MYO5B: variants seen among roughly 807,000 people sequenced by gnomAD.
MYO5B encodes unconventional myosin-Vb.
Under a neutral mutation model 229.3 loss-of-function variants are expected in MYO5B, and 143 were observed. The observed-to-expected ratio is 0.62, with a 90% confidence interval of 0.54 to 0.72. The LOEUF is 0.72. Among genes scored for constraint, MYO5B ranks in the 30% least tolerant of loss-of-function variants. MYO5B has a pLI of 0.00. For synonymous variants in MYO5B, 918 were observed against 885.2 expected (o/e 1.04, Z -0.66); for missense variants, 2,321 against 2,331.0 (o/e 1.00, Z 0.09).
chr18:50,162,131 T>A (rs974368877), intron 1 of MYO5B, among the ~76,000 whole-genome samples: 2 of 152,282 alleles, frequency 1.3e-5, no homozygotes, highest in Non-Finnish European at 2.9e-5. Flanking sequence ...AATTCCCCTG[T>A]GCTCCAATCT....
rs373110006 is a variant in MYO5B, at chr18:50,057,511, G to C, written c.28-2133C>G. ...GGGAGCCTAGTCCCAGCTCAGCCAA[G>C]GACTCTGCTGGCCATCACCCTGTGG... On this transcript the variant is annotated intron_variant, in intron 1 of 39. Transcript: ENST00000285039. Among the ~76,000 whole-genome samples, 13 of 152,234 alleles carry C rather than the reference G, an allele frequency of 8.5e-5. No individual in the cohort carries two copies. The South Asian group carries it at 1.9e-3, about 22-fold the overall frequency.
At chr18:50,109,660 T>C (rs761389524) in intron 1 of MYO5B, among the ~76,000 whole-genome samples, 2 of 152,014 alleles carry the variant, frequency 1.3e-5, no homozygotes, top group African/African-American at 4.8e-5. Context: ...TCTCCTGACG[T>C]TGTGATCCAC....
intron 22 of MYO5B, among the ~76,000 whole-genome samples, chr18:49,887,016 T>C (rs2024650488): frequency 6.6e-6 from 1 of 152,154 alleles, no homozygotes; most frequent in Non-Finnish European, 1.5e-5. Context: ...TGGGGCCTGG[T>C]GAGAGGTGAC....
At position 49,902,668 on chromosome 18, in the gene MYO5B, C is replaced by A. The variant is rs564864501; in HGVS notation, c.2737G>T (p.Ala913Ser). The A allele has an allele frequency of 8.1e-6, 13 of 1,613,218 alleles. No homozygotes were observed. The East Asian group carries it at 2.7e-4, about 33-fold the overall frequency. The stretch of plus-strand genomic sequence containing the variant: ...ACGTTGAGACGTTTCAGATGCTCTG[C>A]TGAGCGGGCCTCAATCCTGAGGGCC... ...LKALRIEARSAEHLKRLNVGM... is the reference protein window; with the variant it reads ...LKALRIEARSSEHLKRLNVGM... The change falls in exon 21 of 40, where the codon GCA (alanine) becomes TCA (serine). Residue 913 changes from alanine (A) to serine (S), a missense_variant. This residue lies in a region of MYO5B where 2,113 missense variants were observed against 2,044.7 expected (regional missense o/e 1.03). Coordinates refer to ENST00000285039, the MANE Select transcript of MYO5B (RefSeq NM_001080467.3).
In MYO5B at chr18:49,974,457, C is replaced by T. The variant is rs781209064; in HGVS notation, c.1215G>A (p.Ala405=). The change falls in exon 10 of 40, where the codon GCG becomes GCA. Residue 405 remains alanine (A), a synonymous_variant. Coordinates refer to ENST00000285039, the MANE Select transcript of MYO5B (RefSeq NM_001080467.3). ...QQVINARNAL[A]KHIYAQLFGW... is the part of the protein sequence containing the mutation. ...CGAACAACTGGGCATAGATGTGCTT[C>T]GCCAGGGCGTTGCGCGCATTGATCA... 24 of 1,614,056 alleles carry T rather than the reference C, an allele frequency of 1.5e-5. No homozygotes were observed. The highest frequency in any genetic ancestry group is 5.0e-5 in the Admixed American group (3 of 60,008).
At chr18:50,028,513 A>T (rs984924673) in intron 4 of MYO5B, among the ~76,000 whole-genome samples, 1 of 152,032 alleles carries the variant, frequency 6.6e-6, no homozygotes, top group Non-Finnish European at 1.5e-5. Context: ...CTTGGGCCAG[A>T]GTGGGGGGCA....
At chr18:49,984,696 C>T in intron 8 of MYO5B, 22 bp downstream of exon 8, 2 of 1,571,150 alleles carry the variant, frequency 1.3e-6, no homozygotes, top group Non-Finnish European at 8.8e-7. Flanking sequence ...GGGCCTGCTT[C>T]CCCAACTAAG....
intron 35 of MYO5B, 43 bp from the exon 36 acceptor site, chr18:49,839,337 T>G (rs1173778665): frequency 6.2e-7 from 1 of 1,607,102 alleles, no homozygotes; most frequent in Non-Finnish European, 8.5e-7. Context: ...TCTGGTCTGC[T>G]GGGCCCAGCA....
rs1462580677 is a variant in MYO5B at position 49,826,229 on chromosome 18, G to A, written c.*242C>T. ...CTTGGTGTCTATAAATTATGTATATGTGTTGGACTGAAATCAAACTTAAAA... is the reference window on the plus strand; with the variant it reads ...CTTGGTGTCTATAAATTATGTATATATGTTGGACTGAAATCAAACTTAAAA... On this transcript the variant is annotated 3_prime_UTR_variant, in exon 40 of 40. Transcript: ENST00000285039. 20 of 493,718 alleles carry A rather than the reference G, an allele frequency of 4.1e-5. No individual in the cohort carries two copies. The Admixed American group carries it at 6.4e-4, about 16-fold the overall frequency. 30.6% of individuals were successfully genotyped at this position (493,718 alleles called of 1,614,324 possible).
intron 5 of MYO5B, among the ~76,000 whole-genome samples, chr18:49,997,873 AC>A (rs2026006310): frequency 6.6e-6 from 1 of 152,100 alleles, no homozygotes. Context: ...CGTGACCATA[AC>A]CGATTGCTTT....
At chr18:50,006,629 C>T (rs2026104504) in intron 4 of MYO5B, among the ~76,000 whole-genome samples, 1 of 152,194 alleles carries the variant, frequency 6.6e-6, no homozygotes, top group African/African-American at 2.4e-5. Flanking sequence ...CAGGACTTAG[C>T]TTCTGCTAAA....
rs747139348 is a variant in MYO5B at position 49,839,232 on chromosome 18, G to A, written c.4764C>T (p.Thr1588=). 47 of 1,614,042 alleles carry A rather than the reference G, an allele frequency of 2.9e-5. No individual in the cohort carries two copies. Among genetic ancestry groups the A allele is most frequent in the Middle Eastern group, 1.6e-4 (1 of 6,084 alleles). ...GGTCACTCAGCACCTGACGGTATTC[G>A]GTGAGGTCAAAATTCTTAAGACAGT... is the stretch of plus-strand genomic sequence containing the variant. ...NEHCLKNFDL[T]EYRQVLSDLS... Residue 1588 remains threonine, a synonymous_variant, in exon 36 of 40, where the codon ACC becomes ACT. Transcript: ENST00000285039.
intron 1 of MYO5B, among the ~76,000 whole-genome samples, chr18:50,152,452 A>G (rs1425400494): frequency 6.6e-6 from 1 of 152,262 alleles, no homozygotes; most frequent in Non-Finnish European, 1.5e-5. Context: ...TACTGCTTTC[A>G]GCATGATTCC....
intron 2 of MYO5B, among the ~76,000 whole-genome samples, chr18:50,051,854 T>G (rs922034644): frequency 6.6e-6 from 1 of 152,184 alleles, no homozygotes; most frequent in Non-Finnish European, 1.5e-5. Context: ...GAAAGGAGGT[T>G]TCCAGGTGCT....
intron 1 of MYO5B, among the ~76,000 whole-genome samples, chr18:50,083,611 C>T (rs144313728): frequency 6.6e-6 from 1 of 152,188 alleles, no homozygotes; most frequent in East Asian, 1.9e-4. Context: ...CATCACAGCA[C>T]TGAGCACACA....
intron 1 of MYO5B, among the ~76,000 whole-genome samples, chr18:50,158,863 G>T (rs896138211): frequency 1.1e-4 from 17 of 152,170 alleles, no homozygotes; most frequent in Non-Finnish European, 1.5e-5. Flanking sequence ...TGATGATGGG[G>T]TAAGAATGAT....
intron 1 of MYO5B, among the ~76,000 whole-genome samples, chr18:50,159,642 G>A (rs908975376): frequency 1.3e-5 from 2 of 152,078 alleles, no homozygotes; most frequent in African/African-American, 4.8e-5. Context: ...TCTCCCAACT[G>A]TCCCAAAAGG....
chr18:49,862,363 G>A (rs2024341773), intron 29 of MYO5B, among the ~76,000 whole-genome samples: 2 of 152,260 alleles, frequency 1.3e-5, no homozygotes, highest in African/African-American at 4.8e-5. Context: ...ACAGTATCAC[G>A]GCAGTAACAC....
In MYO5B at chr18:49,949,786, T is replaced by C. The variant is rs576628846; in HGVS notation, c.1752+3474A>G. Among the ~76,000 whole-genome samples the C allele has an allele frequency of 1.9e-4, 29 of 152,366 alleles. 1 individual carries two copies. The South Asian group carries it at 3.9e-3, about 21-fold the overall frequency. Reference sequence around the variant, plus strand: ...AAAAAATTAAGCGTTACAATTTTAATGTAATGACATAGAAACTTGTATCTT... The same window carrying C: ...AAAAAATTAAGCGTTACAATTTTAACGTAATGACATAGAAACTTGTATCTT... On this transcript the variant is annotated intron_variant, in intron 14 of 39. Transcript: ENST00000285039.
Sources: allele counts gnomAD v4.1 joint callset (sites outside exome capture counted in the v4.1 genomes callset), GRCh38; gene constraint gnomAD v4.1.1; regional missense constraint gnomAD v4.1.1; transcripts MANE v1.5; gene names NCBI Gene and HGNC (gene_info 2026-07-23, HGNC 2026-07-21).